Variants in KCNH7 observed in about 807,000 individuals in gnomAD.
KCNH7 encodes voltage-gated inwardly rectifying potassium channel KCNH7.
KCNH7 carries 49 observed loss-of-function variants against 120.8 expected under a neutral mutation model. The observed-to-expected ratio is 0.41, with a 90% CI of 0.32 to 0.51. The LOEUF (loss-of-function observed/expected upper bound fraction) is 0.51, where lower values mean the gene tolerates loss of function less well. Ranked by LOEUF, KCNH7 falls within the 20% of genes least tolerant of loss-of-function variation. The pLI, the probability that KCNH7 is intolerant of heterozygous loss-of-function variation, is 0.38. For synonymous variants in KCNH7, 547 were observed against 516.1 expected (o/e 1.06, Z -0.81); for missense variants, 1,097 against 1,446.6 (o/e 0.76, Z 3.92).
intron 2 of KCNH7, among the ~76,000 whole-genome samples, chr2:162,749,197 TTCTTTCTTTCTCTC>T (rs1281338863): frequency 2.0e-5 from 3 of 151,666 alleles, no homozygotes; most frequent in Non-Finnish European, 4.4e-5. Context: ...CTGCTTTCCT[TTCTTTCTTTCTCTC>T]TCTTTTGCTC....
At position 162,535,773 on chromosome 2, in the gene KCNH7, A is replaced by C. The variant is rs183146675; in HGVS notation, c.463+1152T>G. On this transcript the variant is annotated intron_variant, in intron 3 of 15. Coordinates refer to ENST00000332142, the MANE Select transcript of KCNH7 (RefSeq NM_033272.4). ...ATCGAATAATAAGGGATCATGGTAT[A>C]TTAGTTATTTATTGTATATATAAAC... Among the ~76,000 whole-genome samples, 237 of 151,950 alleles carry C rather than the reference A, an allele frequency of 1.6e-3. 2 individuals are homozygous for C. The highest frequency in any genetic ancestry group is 5.4e-3 in the African/African-American group (226 of 41,548).
chr2:162,804,307 A>T (rs893894148), intron 2 of KCNH7, among the ~76,000 whole-genome samples: 3 of 151,882 alleles, frequency 2.0e-5, no homozygotes, highest in Admixed American at 1.3e-4. Flanking sequence ...CTGTTTGCTG[A>T]TGATATACCT....
intron 2 of KCNH7, among the ~76,000 whole-genome samples, chr2:162,832,358 A>G (rs931857011): frequency 1.3e-5 from 2 of 152,138 alleles, no homozygotes; most frequent in Middle Eastern, 3.2e-3. Flanking sequence ...AAATTTTGTG[A>G]AATTTCTGTT....
chr2:162,727,446 C>T (rs1264566960), intron 2 of KCNH7, among the ~76,000 whole-genome samples: 1 of 152,122 alleles, frequency 6.6e-6, no homozygotes, highest in Non-Finnish European at 1.5e-5. Flanking sequence ...AAAATCATCA[C>T]CATGCAATTT....
intron 2 of KCNH7, among the ~76,000 whole-genome samples, chr2:162,660,878 T>C (rs1260954719): frequency 6.6e-6 from 1 of 152,202 alleles, no homozygotes; most frequent in African/African-American, 2.4e-5. Context: ...AAGGTGGGAC[T>C]GAGAAAAAGA....
In KCNH7 at chr2:162,666,365, C is replaced by T. The variant is rs144715672; in HGVS notation, c.308-129285G>A. ...ACAATCCCTAATAAATTCTGCCCCCCGCCCCTCCCCACAACTTCCTTCCTA... is the reference window on the plus strand; with the variant it reads ...ACAATCCCTAATAAATTCTGCCCCCTGCCCCTCCCCACAACTTCCTTCCTA... On this transcript the variant is annotated intron_variant, in intron 2 of 15. Transcript: ENST00000332142. 5.6e-3 allele frequency among the ~76,000 whole-genome samples: 850 copies of T among 151,114 alleles called. 4 individuals are homozygous for T. The highest frequency in any genetic ancestry group is 8.9e-3 in the Non-Finnish European group (604 of 67,716).
chr2:162,790,006 A>C (rs113931338), intron 2 of KCNH7, among the ~76,000 whole-genome samples: 1,771 of 152,066 alleles, frequency 0.012, 35 homozygotes, highest in African/African-American at 0.04. Context: ...GAACAGAGAT[A>C]AAATAAAGAC....
intron 9 of KCNH7, among the ~76,000 whole-genome samples, chr2:162,412,900 AG>A (rs1687431144): frequency 6.6e-6 from 1 of 152,152 alleles, no homozygotes; most frequent in Admixed American, 6.6e-5. Context: ...AAATCTTGAT[AG>A]TGGCTATGAT....
At chr2:162,803,273 A>C (rs532623168) in intron 2 of KCNH7, among the ~76,000 whole-genome samples, 1 of 151,808 alleles carries the variant, frequency 6.6e-6, no homozygotes, top group Non-Finnish European at 1.5e-5. Context: ...CTTTGATTAA[A>C]CTAGCAATAG....
At chr2:162,402,471 A>C (rs1244882641) in intron 9 of KCNH7, among the ~76,000 whole-genome samples, 1 of 150,366 alleles carries the variant, frequency 6.7e-6, no homozygotes, top group African/African-American at 2.4e-5. Context: ...AAAATACCCT[A>C]GTTTACACAG....
chr2:162,525,798 T>C (rs1210279412), intron 3 of KCNH7, among the ~76,000 whole-genome samples: 1 of 151,908 alleles, frequency 6.6e-6, no homozygotes, highest in East Asian at 2.0e-4. Context: ...CCAAATGCTG[T>C]ATGTATGTAT....
At chr2:162,471,190 TC>T (rs1689512948) in intron 6 of KCNH7, among the ~76,000 whole-genome samples, 1 of 150,266 alleles carries the variant, frequency 6.7e-6, no homozygotes, top group African/African-American at 2.5e-5. Flanking sequence ...TTCACTATTG[TC>T]CTATGACCCT....
chr2:162,621,373 C>T (rs536584277), intron 2 of KCNH7, among the ~76,000 whole-genome samples: 1 of 146,442 alleles, frequency 6.8e-6, no homozygotes, highest in East Asian at 2.2e-4. Flanking sequence ...TGACTTGCTT[C>T]TCAACTGAGA....
At position 162,381,464 on chromosome 2, in the gene KCNH7, A is replaced by T. The variant is rs935464398; in HGVS notation, c.2963-1443T>A. ...CCAAGTAGAAGACAGACATGTCTGT[A>T]TTCTTTCTTCATGGTTTTCCTCTCA... is the stretch of plus-strand genomic sequence containing the variant. On this transcript the variant is annotated intron_variant, in intron 13 of 15. Transcript: ENST00000332142. Among the ~76,000 whole-genome samples the T allele has an allele frequency of 2.0e-5, 3 of 152,122 alleles. No homozygotes were observed. The East Asian group carries it at 5.8e-4, about 29-fold the overall frequency.
intron 2 of KCNH7, among the ~76,000 whole-genome samples, chr2:162,713,933 G>A (rs926155913): frequency 4.6e-5 from 7 of 152,056 alleles, no homozygotes; most frequent in South Asian, 2.1e-4. Flanking sequence ...ATTTTTAGAA[G>A]AGATGGGGTT....
chr2:162,806,091 G>A (rs1005223669), intron 2 of KCNH7, among the ~76,000 whole-genome samples: 1 of 152,032 alleles, frequency 6.6e-6, no homozygotes, highest in Non-Finnish European at 1.5e-5. Context: ...GAGGGGGCAC[G>A]GTGGGAGGGA....
chr2:162,537,883 C>A (rs973545994), intron 2 of KCNH7, among the ~76,000 whole-genome samples: 1 of 152,060 alleles, frequency 6.6e-6, no homozygotes, highest in Non-Finnish European at 1.5e-5. Flanking sequence ...TCAGAGCATA[C>A]ACTTGAAAAG....
chr2:162,397,041 T>G, intron 10 of KCNH7, 96 bp from the exon 11 acceptor site: 67 of 756,458 alleles, frequency 8.9e-5, no homozygotes, highest in Non-Finnish European at 1.2e-4. Context: ...AATTGATCAA[T>G]CCCTGAACCA....
chr2:162,453,734 T>A (rs895290392), intron 6 of KCNH7, among the ~76,000 whole-genome samples: 1 of 152,198 alleles, frequency 6.6e-6, no homozygotes, highest in Non-Finnish European at 1.5e-5. Flanking sequence ...CTTTTTTTCA[T>A]ATGTTTCTTG....
Sources: allele counts gnomAD v4.1 joint callset (sites outside exome capture counted in the v4.1 genomes callset), GRCh38; gene constraint gnomAD v4.1.1; transcripts MANE v1.5; gene names NCBI Gene and HGNC (gene_info 2026-07-23, HGNC 2026-07-21).